Variants in XDH observed in about 807,000 individuals in gnomAD.
XDH encodes xanthine dehydrogenase/oxidase.
In XDH, 138 loss-of-function variants were observed where a neutral mutation model predicts 156.1. The observed-to-expected ratio is 0.88, with a 90% CI of 0.77 to 1.02. The LOEUF is 1.02. Among genes scored for constraint, XDH ranks in the 50% least tolerant of loss-of-function variants. The pLI is 0.00. For missense variants in XDH, 1,849 were observed against 1,684.9 expected (o/e 1.10, Z -1.71); for synonymous variants, 669 against 625.7 (o/e 1.07, Z -1.03).
intron 2 of XDH, among the ~76,000 whole-genome samples, chr2:31,405,371 G>A (rs1472134232): frequency 1.3e-5 from 2 of 151,912 alleles, no homozygotes; most frequent in Non-Finnish European, 2.9e-5. Flanking sequence ...ACTGAGTGAA[G>A]AGCAGCACCC....
Position 31,337,625 on chromosome 2 carries a change from T to C in XDH, c.3951+16A>G, listed in dbSNP as rs1274706921. 6.2e-7 allele frequency: 1 copy of C among 1,613,710 alleles called. No homozygotes were observed. The highest frequency in any genetic ancestry group is 8.5e-7 in the Non-Finnish European group (1 of 1,180,024). ...GGCCTCCCCTGGACTGAGTGGATGC[T>C]TGAGGGGCATCATACCAGGGTGGTG... On this transcript the variant is annotated intron_variant, in intron 35 of 35. Coordinates refer to ENST00000379416, the MANE Select transcript of XDH (RefSeq NM_000379.4).
Position 31,339,580 on chromosome 2 carries a change from T to G in XDH, c.3683A>C (p.Tyr1228Ser). Residue 1228 changes from tyrosine (Y) to serine (S), a missense_variant, in exon 34 of 36, where the codon TAC becomes TCC. Coordinates refer to ENST00000379416, the MANE Select transcript of XDH (RefSeq NM_000379.4). ...GATGCTGCCAAATGCCGGGATCTTG[T>G]AGGTGCTAGGGCCACGGGTGTGCAG... Reference protein sequence around the residue: ...GSLHTRGPSTYKIPAFGSIPI... With the variant: ...GSLHTRGPSTSKIPAFGSIPI... 1.2e-6 allele frequency: 2 copies of G among 1,614,166 alleles called. No homozygotes were observed. Among genetic ancestry groups the G allele is most frequent in the Non-Finnish European group, 8.5e-7 (1 of 1,180,026 alleles).
chr2:31,402,957 G>T, intron 3 of XDH, 91 bp downstream of exon 3: 1 of 1,383,802 alleles, frequency 7.2e-7, no homozygotes, highest in Non-Finnish European at 1.0e-6. Flanking sequence ...ATGCGCACAT[G>T]CACATACACA....
chr2:31,366,189 T>C (rs1685911907), intron 21 of XDH, 80 bp from the exon 22 acceptor site: 4 of 1,607,958 alleles, frequency 2.5e-6, no homozygotes, highest in African/African-American at 2.7e-5. Flanking sequence ...CTGTCCAACA[T>C]GCATGGACCT....
intron 6 of XDH, among the ~76,000 whole-genome samples, chr2:31,391,689 T>C (rs1225910982): frequency 6.6e-6 from 1 of 152,234 alleles, no homozygotes; most frequent in East Asian, 1.9e-4. Flanking sequence ...TTGTAGTTTT[T>C]CTCACATAAA....
At chr2:31,368,894 A>G (rs1464873163) in intron 18 of XDH, among the ~76,000 whole-genome samples, 5 of 152,182 alleles carry the variant, frequency 3.3e-5, no homozygotes, top group African/African-American at 1.2e-4. Flanking sequence ...CTGGCAGACT[A>G]TTGAGAAGCT....
rs144249310 is a variant in XDH, at chr2:31,343,531, GTATAAGGCATATATATATGCCTTA to G, written c.3404+1129_3404+1152del. ...ATATGTATATAAAGCATACATATAT[GTATAAGGCATATATATATGCCTTA>G]TATAAGGCATATATATATTCAGTGT... is the stretch of plus-strand genomic sequence containing the variant. On this transcript the variant is annotated intron_variant, in intron 31 of 35. Coordinates refer to ENST00000379416, the MANE Select transcript of XDH (RefSeq NM_000379.4). 7.4e-3 allele frequency among the ~76,000 whole-genome samples: 882 copies of G among 119,796 alleles called. 10 individuals carry two copies. The highest frequency in any genetic ancestry group is 0.025 in the African/African-American group (768 of 30,502). The allele number at this position is 119,796 out of a possible 152,430, so 78.6% of individuals were successfully genotyped here.
At chr2:31,363,106 G>A (rs776133264) in intron 24 of XDH, among the ~76,000 whole-genome samples, 10 of 152,290 alleles carry the variant, frequency 6.6e-5, no homozygotes, top group Admixed American at 2.0e-4. Flanking sequence ...GAAGTCAGGA[G>A]TTCGAGACCA....
At position 31,350,171 on chromosome 2, in the gene XDH, A is replaced by G; in HGVS notation, c.2684T>C (p.Ile895Thr). 6.2e-7 allele frequency: 1 copy of G among 1,614,074 alleles called. No homozygotes were observed. The change falls in exon 25 of 36, where the codon ATC (isoleucine) becomes ACC (threonine). Residue 895 changes from isoleucine (I) to threonine (T), a missense_variant. Ile to Thr is a moderately conservative substitution (Grantham distance 89). Transcript: ENST00000379416. The stretch of plus-strand genomic sequence containing the variant: ...TTTGCACAGCCGCCCAGTGCCCCGG[A>G]TGTTGGGGATTTTATAGCAGTTGTC... The part of the protein sequence containing the change: ...HMDNCYKIPN[I>T]RGTGRLCKTN...
chr2:31,373,896 G>A lies in XDH; in HGVS notation c.1663C>T (p.Pro555Ser), dbSNP rs45577338. The change falls in exon 16 of 36, where the codon CCA becomes TCA. Residue 555 changes from proline to serine, a missense_variant. Pro to Ser is a moderately conservative substitution (Grantham distance 74, BLOSUM62 -1). Transcript: ENST00000379416. ...ACTTGGAAGAGCTGGACATCGGCTG[G>A]GGGGTCTTTCTGAAACAGTAAAGTT... ...SATLLFQKDP[P>S]ADVQLFQEVP... 5.7e-4 allele frequency: 918 copies of A among 1,613,876 alleles called. 2 individuals carry two copies. In the African/African-American group the frequency reaches 0.01, roughly 18 times the overall value.
chr2:31,341,296 G>C, intron 33 of XDH, 33 bp downstream of exon 33: 1 of 1,552,768 alleles, frequency 6.4e-7, no homozygotes, highest in South Asian at 1.2e-5. Context: ...CGGTGGCCAA[G>C]TCTGTCACCA....
At chr2:31,393,800 C>CTT (rs34575198) in intron 6 of XDH, among the ~76,000 whole-genome samples, 4,710 of 140,416 alleles carry the variant, frequency 0.034, 132 homozygotes, top group African/African-American at 0.07. Flanking sequence ...TTCCTTTTTT[C>CTT]TTTTTTTTTT....
chr2:31,386,009 C>A (rs114050105), intron 9 of XDH, among the ~76,000 whole-genome samples: 93 of 152,334 alleles, frequency 6.1e-4, no homozygotes, highest in African/African-American at 2.2e-3. Flanking sequence ...AGCTTTGTAT[C>A]CCAAGCCCCT....
chr2:31,374,616 T>C (rs1686176769), intron 15 of XDH, among the ~76,000 whole-genome samples: 1 of 152,192 alleles, frequency 6.6e-6, no homozygotes, highest in Non-Finnish European at 1.5e-5. Context: ...ATTTTAGGTT[T>C]TCTTTATCCA....
At chr2:31,411,184 G>A (rs1436031200) in intron 1 of XDH, among the ~76,000 whole-genome samples, 6 of 151,390 alleles carry the variant, frequency 4.0e-5, no homozygotes, top group African/African-American at 1.5e-4. Context: ...TCAGGAGGCT[G>A]AGGCAGACAA....
At chr2:31,363,061 C>T (rs1295631732) in intron 24 of XDH, among the ~76,000 whole-genome samples, 1 of 152,158 alleles carries the variant, frequency 6.6e-6, no homozygotes, top group Non-Finnish European at 1.5e-5. Context: ...CCTGTAATCC[C>T]AGCACTTTGG....
At chr2:31,369,503 C>A (rs1485481394) in intron 18 of XDH, among the ~76,000 whole-genome samples, 1 of 152,152 alleles carries the variant, frequency 6.6e-6, no homozygotes, top group Non-Finnish European at 1.5e-5. Flanking sequence ...TAGGAACCAA[C>A]AATTAGTATG....
chr2:31,364,918 G>T (rs772015662), intron 23 of XDH, among the ~76,000 whole-genome samples: 1 of 152,202 alleles, frequency 6.6e-6, no homozygotes, highest in Non-Finnish European at 1.5e-5. Flanking sequence ...AGCCCCATAA[G>T]GCTTTGCTGA....
intron 6 of XDH, among the ~76,000 whole-genome samples, chr2:31,391,044 T>C (rs1201731797): frequency 6.6e-6 from 1 of 152,194 alleles, no homozygotes; most frequent in East Asian, 1.9e-4. Context: ...ATCTAAAAAG[T>C]CATCATCATT....
Sources: allele counts gnomAD v4.1 joint callset (sites outside exome capture counted in the v4.1 genomes callset), GRCh38; gene constraint gnomAD v4.1.1; transcripts MANE v1.5; gene names NCBI Gene and HGNC (gene_info 2026-07-23, HGNC 2026-07-21).